The following MICAL3 variants were observed in gnomAD, a reference collection of about 807,000 sequenced individuals.
MICAL3 encodes microtubule associated monooxygenase, calponin and LIM domain containing 3, also known as [F-actin]-monooxygenase MICAL3.
MICAL3 carries 62 observed loss-of-function variants against 207.4 expected under a neutral mutation model. The ratio of observed to expected loss-of-function variants is 0.30; its 90% confidence interval spans 0.24 to 0.37. MICAL3 has a LOEUF of 0.37. Among genes scored for constraint, MICAL3 ranks in the 10% least tolerant of loss-of-function variants. The pLI is 1.00. For missense variants in MICAL3, 2,368 were observed against 2,635.6 expected (o/e 0.90, Z 2.22); for synonymous variants, 1,077 against 1,069.3 (o/e 1.01, Z -0.14).
intron 20 of MICAL3, 93 bp from the exon 21 acceptor site, chr22:17,832,200 A>G: frequency 1.4e-6 from 2 of 1,448,014 alleles, no homozygotes; most frequent in Non-Finnish European, 1.9e-6. Context: ...AATGCATGTC[A>G]GGCAAAGCAG....
intron 1 of MICAL3, among the ~76,000 whole-genome samples, chr22:18,014,034 G>C (rs5747443): frequency 0.68 from 102,745 of 151,698 alleles, 36,206 homozygotes; most frequent in African/African-American, 0.88. Flanking sequence ...TGGCCTCAAG[G>C]AGTCCACCCA....
intron 1 of MICAL3, among the ~76,000 whole-genome samples, chr22:17,960,215 C>T (rs1450421174): frequency 6.6e-6 from 1 of 152,230 alleles, no homozygotes; most frequent in Non-Finnish European, 1.5e-5. Context: ...GGGTGCTGTT[C>T]TCACTACACT....
At position 17,902,605 on chromosome 22, in the gene MICAL3, T is replaced by A. The variant is rs1297121595; in HGVS notation, c.589+26A>T. 7.1e-7 allele frequency: 1 copy of A among 1,410,094 alleles called. No individual in the cohort carries two copies. Among genetic ancestry groups the A allele is most frequent in the Non-Finnish European group, 9.9e-7 (1 of 1,009,828 alleles). The allele number at this position is 1,410,094 out of a possible 1,614,324, so 87.3% of individuals were successfully genotyped here. ...TCACCCATCAACACCCTCTCACGCC[T>A]TCTTCACTCCTCCAGTATAACTTAC... On this transcript the variant is annotated intron_variant, in intron 4 of 31. Transcript: ENST00000441493. The surrounding 1 kb of genome is among the most constrained non-coding windows in gnomAD (Gnocchi z 4.5).
intron 1 of MICAL3, among the ~76,000 whole-genome samples, chr22:17,941,642 A>C (rs191497799): frequency 6.6e-5 from 10 of 152,334 alleles, no homozygotes; most frequent in Admixed American, 5.9e-4. Flanking sequence ...TCCATATGCC[A>C]CTCTTGGGAT....
intron 1 of MICAL3, among the ~76,000 whole-genome samples, chr22:17,916,205 CCCATA>C (rs1195950772): frequency 1.3e-5 from 2 of 152,068 alleles, no homozygotes; most frequent in African/African-American, 4.8e-5. Flanking sequence ...AATGTCTATG[CCCATA>C]TCATCTGCCT....
rs1569110021 is a variant in MICAL3, at chr22:17,877,208, GGAGGTTAT to G, written c.2242-5193_2242-5186del. Among the ~76,000 whole-genome samples, 144 of 105,852 alleles carry G rather than the reference GGAGGTTAT, an allele frequency of 1.4e-3. 3 individuals are homozygous for G. Among genetic ancestry groups the G allele is most frequent in the Middle Eastern group, 5.7e-3 (1 of 174 alleles). The allele number at this position is 105,852 out of a possible 152,430, so 69.4% of individuals were successfully genotyped here. A position where few individuals can be genotyped will look rare whatever the true frequency, so the allele number is the denominator to read the frequency against. On this transcript the variant is annotated intron_variant, in intron 16 of 31. Transcript: ENST00000441493. ...AAGTTATGGAGGTTAGGGAGGTTAT[GGAGGTTAT>G]GGAGGTTAGGGAGGTTATGGAGGTT...
chr22:17,965,658 A>C (rs899729251), intron 1 of MICAL3, among the ~76,000 whole-genome samples: 6 of 152,370 alleles, frequency 3.9e-5, no homozygotes, highest in Non-Finnish European at 7.3e-5. Flanking sequence ...GCCCCAAGTC[A>C]CACAGTAAGA....
chr22:17,995,890 G>T (rs1333936951), intron 1 of MICAL3, among the ~76,000 whole-genome samples: 1 of 151,992 alleles, frequency 6.6e-6, no homozygotes, highest in East Asian at 1.9e-4. Flanking sequence ...GCCAGGCATG[G>T]TGGCTCACAC....
chr22:17,928,047 A>AT (rs1933002223), intron 1 of MICAL3, among the ~76,000 whole-genome samples: 1 of 152,166 alleles, frequency 6.6e-6, no homozygotes, highest in Admixed American at 6.5e-5. Context: ...TTTTATTTAC[A>AT]TGTGTCTTGC....
chr22:17,988,792 T>C (rs1256171716), intron 1 of MICAL3, among the ~76,000 whole-genome samples: 1 of 152,050 alleles, frequency 6.6e-6, no homozygotes, highest in East Asian at 1.9e-4. Context: ...GGAAAAAAAT[T>C]AAAAGGAAGC....
chr22:17,912,257 A>G (rs1932192390), intron 1 of MICAL3, among the ~76,000 whole-genome samples: 1 of 152,126 alleles, frequency 6.6e-6, no homozygotes, highest in Non-Finnish European at 1.5e-5. Flanking sequence ...TAAGTTTTGA[A>G]ATCAGGAGGC....
chr22:17,803,776 G>A (rs1431055290), intron 29 of MICAL3: 5 of 975,318 alleles, frequency 5.1e-6, no homozygotes, highest in Non-Finnish European at 4.9e-6. Context: ...GGGCGTCAGC[G>A]GGGTTAGTGT....
intron 19 of MICAL3, chr22:17,861,457 T>G (rs1302144583): frequency 1.2e-5 from 12 of 985,376 alleles, no homozygotes; most frequent in Admixed American, 6.1e-5. Context: ...GAAAAAGCTC[T>G]TCTGTTCCTT....
intron 21 of MICAL3, among the ~76,000 whole-genome samples, chr22:17,828,109 T>C (rs2034753826): frequency 6.6e-6 from 1 of 152,196 alleles, no homozygotes; most frequent in South Asian, 2.1e-4. Context: ...AGGGGGCCCA[T>C]GCACCAAGAT....
chr22:17,827,095 C>T (rs1455651992), intron 22 of MICAL3, among the ~76,000 whole-genome samples: 1 of 152,186 alleles, frequency 6.6e-6, no homozygotes, highest in South Asian at 2.1e-4. Context: ...TCTCTTATTG[C>T]TATTCCTTTA....
chr22:17,843,329 C>T (rs1197946893), intron 19 of MICAL3, among the ~76,000 whole-genome samples: 1 of 152,182 alleles, frequency 6.6e-6, no homozygotes, highest in Non-Finnish European at 1.5e-5. Flanking sequence ...TCTCTGTTGA[C>T]GTCCCTTGTC....
At chr22:17,959,258 A>G (rs1412652473) in intron 1 of MICAL3, among the ~76,000 whole-genome samples, 1 of 148,516 alleles carries the variant, frequency 6.7e-6, no homozygotes, top group Non-Finnish European at 1.5e-5. Flanking sequence ...CTTGTGATCC[A>G]CCCACCTCAG....
chr22:17,865,837 C>A, intron 18 of MICAL3, 87 bp downstream of exon 18: 1 of 1,038,464 alleles, frequency 9.6e-7, no homozygotes, highest in Middle Eastern at 2.4e-4. Context: ...GACGCAGGGG[C>A]ATTTGCAGGT....
chr22:17,970,367 C>T (rs771905358), intron 1 of MICAL3, among the ~76,000 whole-genome samples: 1 of 152,116 alleles, frequency 6.6e-6, no homozygotes, highest in African/African-American at 2.4e-5. Context: ...CCCACTGGTC[C>T]TTGAGTGAGC....
Sources: gnomAD v4.1 joint callset for allele counts (sites outside exome capture counted in the v4.1 genomes callset) on GRCh38, gnomAD v4.1.1 for gene constraint, Gnocchi (gnomAD v3.1) non-coding constraint, MANE v1.5 for transcripts, NCBI Gene and HGNC (gene_info 2026-07-23, HGNC 2026-07-21) for gene names.